NECAB1: variants seen among roughly 807,000 people sequenced by gnomAD.
NECAB1 encodes the protein N-terminal EF-hand calcium binding protein 1.
NECAB1 carries 29 observed loss-of-function variants against 57.5 expected under a neutral mutation model. The ratio of observed to expected loss-of-function variants is 0.50; its 90% CI spans 0.38 to 0.69. NECAB1 has a LOEUF of 0.69. Among genes scored for constraint, NECAB1 ranks in the 30% least tolerant of loss-of-function variants. NECAB1 has a pLI of 0.00. For missense variants in NECAB1, 372 were observed against 413.8 expected, an observed-to-expected ratio of 0.90 and a Z score of 0.88; for synonymous variants, 142 against 147.7, an observed-to-expected ratio of 0.96 and a Z score of 0.28.
chr8:90,883,990 G>T (rs887528838), intron 5 of NECAB1, among the ~76,000 whole-genome samples: 1 of 152,136 alleles, frequency 6.6e-6, no homozygotes, highest in Non-Finnish European at 1.5e-5. Context: ...ACACAAATGG[G>T]ATTCCCTGTT....
chr8:90,845,750 G>C (rs1812545070), intron 3 of NECAB1, among the ~76,000 whole-genome samples: 1 of 152,122 alleles, frequency 6.6e-6, no homozygotes, highest in African/African-American at 2.4e-5. Flanking sequence ...ACAATGTTTT[G>C]AGACTTGTAT....
At chr8:90,906,581 T>C (rs1282011767) in intron 5 of NECAB1, among the ~76,000 whole-genome samples, 1 of 152,096 alleles carries the variant, frequency 6.6e-6, no homozygotes, top group African/African-American at 2.4e-5. Flanking sequence ...TTGTTGACGC[T>C]CTTGGTTTTC....
chr8:90,908,077 ACAAAT>A (rs995090355), intron 5 of NECAB1, among the ~76,000 whole-genome samples: 1 of 152,198 alleles, frequency 6.6e-6, no homozygotes, highest in African/African-American at 2.4e-5. Flanking sequence ...TTTGTGTCTG[ACAAAT>A]TTAGTAACTT....
chr8:90,871,421 A>C (rs757616025), intron 3 of NECAB1, among the ~76,000 whole-genome samples: 14 of 152,128 alleles, frequency 9.2e-5, no homozygotes, highest in Non-Finnish European at 1.9e-4. Context: ...GGTAAAGGAC[A>C]TTATTCTTCT....
intron 4 of NECAB1, 170 bp downstream of exon 4, chr8:90,872,323 A>G: frequency 1.9e-6 from 1 of 530,250 alleles, no homozygotes; most frequent in Non-Finnish European, 3.2e-6. Context: ...TTGCTCAAGT[A>G]TGTATTTCAC....
chr8:90,840,078 C>A (rs1423164791), intron 3 of NECAB1, among the ~76,000 whole-genome samples: 2 of 152,084 alleles, frequency 1.3e-5, no homozygotes, highest in Non-Finnish European at 1.5e-5. Context: ...AATAAGAATA[C>A]CCTGATGTTG....
intron 5 of NECAB1, among the ~76,000 whole-genome samples, chr8:90,907,955 A>G (rs1282848484): frequency 6.6e-6 from 1 of 152,234 alleles, no homozygotes; most frequent in Non-Finnish European, 1.5e-5. Context: ...AGAAATGCTC[A>G]TAATATTTTA....
chr8:90,950,681 C>T (rs1052276459), intron 11 of NECAB1, among the ~76,000 whole-genome samples: 4 of 152,098 alleles, frequency 2.6e-5, no homozygotes, highest in Non-Finnish European at 5.9e-5. Context: ...CAAAATGACA[C>T]CAACAGTATT....
At chr8:90,863,912 A>G (rs916447628) in intron 3 of NECAB1, among the ~76,000 whole-genome samples, 1 of 152,124 alleles carries the variant, frequency 6.6e-6, no homozygotes, top group African/African-American at 2.4e-5. Context: ...TAAATTCTGA[A>G]AATTAAAACA....
intron 10 of NECAB1, among the ~76,000 whole-genome samples, chr8:90,944,594 T>G (rs1288395840): frequency 6.6e-6 from 1 of 152,210 alleles, no homozygotes; most frequent in Non-Finnish European, 1.5e-5. Context: ...GAACCATTCT[T>G]GACACCAGAG....
At chr8:90,930,880 A>T (rs547736341) in intron 8 of NECAB1, among the ~76,000 whole-genome samples, 2 of 152,206 alleles carry the variant, frequency 1.3e-5, no homozygotes, top group East Asian at 3.8e-4. Context: ...ATAAGGATTC[A>T]TTTGCTAAAT....
At chr8:90,833,695 G>A (rs909790424) in intron 3 of NECAB1, among the ~76,000 whole-genome samples, 2 of 152,096 alleles carry the variant, frequency 1.3e-5, no homozygotes, top group African/African-American at 4.8e-5. Context: ...TCCACCAGAT[G>A]GATGAAATCA....
chr8:90,859,298 G>C (rs546672705), intron 3 of NECAB1: 23 of 152,356 alleles, frequency 1.5e-4, no homozygotes, highest in African/African-American at 5.5e-4. Flanking sequence ...TGTTGGCCAA[G>C]CTGTGGTTTC....
chr8:90,947,401 T>TTTTC (rs1443591523), intron 10 of NECAB1, among the ~76,000 whole-genome samples: 1 of 108,672 alleles, frequency 9.2e-6, no homozygotes, highest in Non-Finnish European at 1.7e-5. Context: ...TCTTTTTTTT[T>TTTTC]TTTTCTTTTT....
intron 3 of NECAB1, among the ~76,000 whole-genome samples, chr8:90,842,433 G>A (rs1812470671): frequency 6.6e-6 from 1 of 152,184 alleles, no homozygotes; most frequent in African/African-American, 2.4e-5. Flanking sequence ...AGTGAGGGTT[G>A]GTTAAGCTGC....
rs1450238748 is a variant in NECAB1 at position 90,957,869 on chromosome 8, G to A, written c.*2357G>A. 6.7e-6 allele frequency: 1 copy of A among 149,864 alleles called. No individual in the cohort carries two copies. The highest frequency in any genetic ancestry group is 1.5e-5 in the Non-Finnish European group (1 of 67,168). 9.3% of individuals were successfully genotyped at this position (149,864 alleles called of 1,614,324 possible). A position where few individuals can be genotyped will look rare whatever the true frequency, so the allele number is the denominator to read the frequency against. On this transcript the variant is annotated 3_prime_UTR_variant, in exon 13 of 13. Coordinates refer to ENST00000417640, the MANE Select transcript of NECAB1 (RefSeq NM_022351.5). ...AAAAATTAAAAAATAAAAAAAAGAG[G>A]TCACTAAAAGACCAAGATGGGAAAC...
intron 1 of NECAB1, among the ~76,000 whole-genome samples, chr8:90,796,099 G>C (rs193119397): frequency 9.9e-5 from 15 of 152,276 alleles, no homozygotes; most frequent in Admixed American, 2.6e-4. Flanking sequence ...ATGAAAATAT[G>C]TGCACTGATT....
chr8:90,876,001 C>G (rs889300773), intron 4 of NECAB1, among the ~76,000 whole-genome samples: 2 of 151,998 alleles, frequency 1.3e-5, no homozygotes, highest in Non-Finnish European at 2.9e-5. Flanking sequence ...CAGAGCAAGA[C>G]TCTGTCTCAA....
Position 90,951,157 on chromosome 8 carries a change from T to C in NECAB1, c.983T>C (p.Val328Ala). The C allele has an allele frequency of 1.2e-6, 2 of 1,603,230 alleles. No individual in the cohort carries two copies. The highest frequency in any genetic ancestry group is 1.7e-6 in the Non-Finnish European group (2 of 1,174,896). The change falls in exon 12 of 13, where the codon GTG becomes GCG. Residue 328 changes from valine to alanine, a missense_variant. Transcript: ENST00000417640. ...NYSKTFQRSN[V>A]DFLETPELTS... ...AGCAAGACATTCCAAAGAAGTAATG[T>C]GGATTTCTTGGAAACTCCAGAACTC...
Sources: gnomAD v4.1 joint callset for allele counts (sites outside exome capture counted in the v4.1 genomes callset) on GRCh38, gnomAD v4.1.1 for gene constraint, MANE v1.5 for transcripts, NCBI Gene and HGNC (gene_info 2026-07-23, HGNC 2026-07-21) for gene names.